The following MAPKAP1 variants were observed in gnomAD, a reference collection of about 807,000 sequenced individuals.
MAPKAP1 encodes MAPK associated protein 1, also known as target of rapamycin complex 2 subunit MAPKAP1.
Under a neutral mutation model 65.7 loss-of-function variants are expected in MAPKAP1, and 20 were observed. The ratio of observed to expected loss-of-function variants is 0.30; its 90% CI spans 0.21 to 0.44. The LOEUF is 0.44. MAPKAP1 is among the 20% of genes least tolerant of loss of function. The probability of loss-of-function intolerance (pLI) is 1.00; values close to 1 mark genes in which losing one functional copy is unlikely to be tolerated. For synonymous variants in MAPKAP1, 222 were observed against 244.3 expected (o/e 0.91, Z 0.85); for missense variants, 423 against 648.0 (o/e 0.65, Z 3.77).
At chr9:125,611,818 T>C (rs1459258350) in intron 4 of MAPKAP1, among the ~76,000 whole-genome samples, 5 of 151,978 alleles carry the variant, frequency 3.3e-5, no homozygotes, top group Admixed American at 2.6e-4. Flanking sequence ...AAAGAAAAAA[T>C]AGTCACAATT....
intron 5 of MAPKAP1, among the ~76,000 whole-genome samples, chr9:125,566,971 A>G (rs1275603760): frequency 3.3e-5 from 5 of 152,202 alleles, no homozygotes; most frequent in Non-Finnish European, 7.3e-5. Flanking sequence ...CCTCCTAGTC[A>G]CACAGCAAGC....
intron 10 of MAPKAP1, among the ~76,000 whole-genome samples, chr9:125,465,549 G>A (rs1292554790): frequency 6.6e-6 from 1 of 152,100 alleles, no homozygotes; most frequent in African/African-American, 2.4e-5. Flanking sequence ...TACATCTTTG[G>A]GCACTTTACA....
chr9:125,547,051 A>C (rs528336853), intron 6 of MAPKAP1, among the ~76,000 whole-genome samples: 13 of 152,124 alleles, frequency 8.5e-5, no homozygotes, highest in Non-Finnish European at 1.9e-4. Context: ...CAGTCAATTC[A>C]AAGTTAGGTC....
chr9:125,633,253 T>C (rs190478213), intron 4 of MAPKAP1, among the ~76,000 whole-genome samples: 630 of 152,192 alleles, frequency 4.1e-3, no homozygotes, highest in Middle Eastern at 0.01. Context: ...AATCTAAGTG[T>C]GAGTAACAGG....
chr9:125,523,120 G>C (rs1373441264), intron 7 of MAPKAP1, among the ~76,000 whole-genome samples: 2 of 152,126 alleles, frequency 1.3e-5, no homozygotes, highest in African/African-American at 2.4e-5. Flanking sequence ...CAAAAACAGG[G>C]CTTCCTTTTT....
intron 4 of MAPKAP1, chr9:125,596,048 T>C (rs1238018957): frequency 6.8e-6 from 9 of 1,316,092 alleles, no homozygotes; most frequent in Non-Finnish European, 9.7e-6. Flanking sequence ...TTGAACAGCG[T>C]GGAAAAACTG....
intron 1 of MAPKAP1, among the ~76,000 whole-genome samples, chr9:125,691,767 T>C (rs1035974363): frequency 1.3e-5 from 2 of 152,228 alleles, no homozygotes; most frequent in Non-Finnish European, 2.9e-5. Flanking sequence ...GCTATTACTT[T>C]CTTCACTTTC....
chr9:125,693,797 A>G lies in MAPKAP1; in HGVS notation c.-70+13174T>C, dbSNP rs187788658. On this transcript the variant is annotated intron_variant, in intron 1 of 11. Coordinates refer to ENST00000265960, the MANE Select transcript of MAPKAP1 (RefSeq NM_001006617.3). ...CATATATACACGTATATATATACAC[A>G]CATATATATACACACACATATACAC... Among the ~76,000 whole-genome samples the G allele has an allele frequency of 8.3e-3, 1,200 of 144,272 alleles. 9 individuals carry two copies. The highest frequency in any genetic ancestry group is 0.018 in the Middle Eastern group (5 of 284). The allele number at this position is 144,272 out of a possible 152,430, so 94.6% of individuals were successfully genotyped here.
intron 6 of MAPKAP1, among the ~76,000 whole-genome samples, chr9:125,553,155 C>A (rs1170061285): frequency 6.6e-6 from 1 of 152,084 alleles, no homozygotes; most frequent in Non-Finnish European, 1.5e-5. Flanking sequence ...TCCCCATTTT[C>A]CACCCACCTG....
intron 8 of MAPKAP1, among the ~76,000 whole-genome samples, chr9:125,491,139 CAAA>C (rs34339738): frequency 1.7e-5 from 2 of 119,844 alleles, no homozygotes; most frequent in Admixed American, 8.7e-5. Context: ...GACTCCGTCT[CAAA>C]AAAAAAAAAA....
chr9:125,632,225 G>A (rs145258745), intron 4 of MAPKAP1, among the ~76,000 whole-genome samples: 189 of 143,318 alleles, frequency 1.3e-3, no homozygotes, highest in African/African-American at 1.9e-3. Flanking sequence ...CCGTCTCAAA[G>A]AAAAAAAAAA....
intron 1 of MAPKAP1, among the ~76,000 whole-genome samples, chr9:125,675,736 A>C (rs931076224): frequency 7.9e-5 from 12 of 152,224 alleles, no homozygotes; most frequent in African/African-American, 2.9e-4. Flanking sequence ...AAAGGCTGTT[A>C]TACATGGCAG....
chr9:125,626,199 T>C (rs1206249384), intron 4 of MAPKAP1, among the ~76,000 whole-genome samples: 1 of 152,254 alleles, frequency 6.6e-6, no homozygotes, highest in Non-Finnish European at 1.5e-5. Flanking sequence ...CTTTTTACAC[T>C]TTCAGAAATA....
At chr9:125,551,739 A>C (rs529647610) in intron 6 of MAPKAP1, among the ~76,000 whole-genome samples, 1 of 152,176 alleles carries the variant, frequency 6.6e-6, no homozygotes, top group Non-Finnish European at 1.5e-5. Context: ...TAAGGTAATA[A>C]TACTACCACA....
At chr9:125,525,226 A>G (rs963862710) in intron 7 of MAPKAP1, among the ~76,000 whole-genome samples, 4 of 152,246 alleles carry the variant, frequency 2.6e-5, no homozygotes, top group African/African-American at 9.6e-5. Flanking sequence ...TGATAAGATA[A>G]TAACAGCAAA....
chr9:125,686,439 T>A, intron 1 of MAPKAP1, among the ~76,000 whole-genome samples: 1 of 152,204 alleles, frequency 6.6e-6, no homozygotes, highest in East Asian at 1.9e-4. Flanking sequence ...CTACACGGCC[T>A]TGGACAAGTG....
At chr9:125,449,329 T>C (rs569678615) in intron 10 of MAPKAP1, among the ~76,000 whole-genome samples, 1 of 152,294 alleles carries the variant, frequency 6.6e-6, no homozygotes, top group East Asian at 1.9e-4. Flanking sequence ...TCCCTGCATA[T>C]AGCAGGGAGG....
chr9:125,654,524 C>G (rs1180230718), intron 4 of MAPKAP1, among the ~76,000 whole-genome samples: 1 of 152,164 alleles, frequency 6.6e-6, no homozygotes, highest in Non-Finnish European at 1.5e-5. Context: ...AATGATAAAC[C>G]TGACCCCAAA....
chr9:125,472,185 T>C (rs1281309035), intron 9 of MAPKAP1, among the ~76,000 whole-genome samples: 1 of 152,318 alleles, frequency 6.6e-6, no homozygotes, highest in East Asian at 1.9e-4. Context: ...ATGTTTCATA[T>C]AACATATCCC....
Sources: allele counts gnomAD v4.1 joint callset (sites outside exome capture counted in the v4.1 genomes callset), GRCh38; gene constraint gnomAD v4.1.1; transcripts MANE v1.5; gene names NCBI Gene and HGNC (gene_info 2026-07-23, HGNC 2026-07-21).